The following SS18 variants were observed in gnomAD, a reference collection of about 807,000 sequenced individuals.
SS18 encodes the protein SS18 subunit of BAF chromatin remodeling complex, also known as protein SSXT.
A neutral mutation model predicts 72.5 loss-of-function variants in SS18; 28 were observed. The ratio of observed to expected loss-of-function variants is 0.39; its 90% CI spans 0.29 to 0.53. The LOEUF (loss-of-function observed/expected upper bound fraction) is 0.53, where lower values mean the gene tolerates loss of function less well. Ranked by LOEUF, SS18 falls within the 20% of genes least tolerant of loss-of-function variation. The pLI is 0.76. For missense variants in SS18, 518 were observed against 535.3 expected, an observed-to-expected ratio of 0.97 and a Z score of 0.32; for synonymous variants, 172 against 164.2, an observed-to-expected ratio of 1.05 and a Z score of -0.37.
chr18:26,055,750 T>TG (rs2054006918), intron 4 of SS18, among the ~76,000 whole-genome samples: 1 of 148,174 alleles, frequency 6.7e-6, no homozygotes, highest in African/African-American at 2.6e-5. Context: ...AAATTCTTTC[T>TG]GTTTTTTTTT....
chr18:26,062,263 A>G (rs545668394), intron 3 of SS18, among the ~76,000 whole-genome samples: 3 of 152,344 alleles, frequency 2.0e-5, no homozygotes, highest in Admixed American at 6.5e-5. Context: ...TGTCTAAAAA[A>G]AGAAAAAGAC....
chr18:26,077,593 GC>G (rs1418218963), intron 3 of SS18, among the ~76,000 whole-genome samples: 2 of 152,078 alleles, frequency 1.3e-5, no homozygotes. Flanking sequence ...TCGCTGCTCG[GC>G]CTTTTGGCTA....
intron 1 of SS18, 65 bp downstream of exon 1, chr18:26,090,436 C>T (rs2054702495): frequency 2.7e-6 from 4 of 1,496,604 alleles, no homozygotes; most frequent in Admixed American, 2.0e-5. Flanking sequence ...CCCGGCCCTT[C>T]CCCCCGCGTC....
rs1307755393 is a variant in SS18 at position 26,038,716 on chromosome 18, C to T, written c.776-57G>A. 5.0e-6 allele frequency: 7 copies of T among 1,395,782 alleles called. No individual in the cohort carries two copies. In the East Asian group the frequency reaches 1.6e-4, roughly 32 times the overall value. The allele number at this position is 1,395,782 out of a possible 1,614,324, so 86.5% of individuals were successfully genotyped here. ...AATGTGTTCTCTATGTCATCAAAGG[C>T]TTTCTTTCTAATTTGATATTATGAA... is the stretch of plus-strand genomic sequence containing the variant. On this transcript the variant is annotated intron_variant, in intron 6 of 10. Coordinates refer to ENST00000415083, the MANE Select transcript of SS18 (RefSeq NM_001007559.3).
rs746981880 is a variant in SS18, at chr18:26,018,341, T to C, written c.*13A>G. The C allele has an allele frequency of 1.9e-6, 3 of 1,599,192 alleles. No homozygotes were observed. The East Asian group carries it at 6.7e-5, about 36-fold the overall frequency. On this transcript the variant is annotated 3_prime_UTR_variant, in exon 11 of 11. Transcript: ENST00000415083. ...TGCTAATAGATACTGGCTACTGGAA[T>C]GTAAGTACTTTTTCACTGCTGGTAA...
intron 2 of SS18, among the ~76,000 whole-genome samples, chr18:26,087,216 A>G (rs911272214): frequency 3.9e-5 from 6 of 152,212 alleles, no homozygotes; most frequent in African/African-American, 1.4e-4. Flanking sequence ...ACAACAGGCA[A>G]ATTCACACAG....
chr18:26,057,786 T>G, intron 3 of SS18, 44 bp from the exon 4 acceptor site: 1 of 1,542,244 alleles, frequency 6.5e-7, no homozygotes, highest in Non-Finnish European at 8.8e-7. Context: ...CAGACTAATA[T>G]ACGAAAGATG....
At chr18:26,061,230 T>G (rs986042537) in intron 3 of SS18, among the ~76,000 whole-genome samples, 4 of 152,006 alleles carry the variant, frequency 2.6e-5, no homozygotes, top group African/African-American at 9.7e-5. Context: ...GGAGAATTGC[T>G]AGAACTCAGG....
At chr18:26,087,078 T>C (rs1005609783) in intron 2 of SS18, among the ~76,000 whole-genome samples, 1 of 152,166 alleles carries the variant, frequency 6.6e-6, no homozygotes, top group Non-Finnish European at 1.5e-5. Flanking sequence ...AAAAAATACT[T>C]GCCTATAAAA....
At chr18:26,052,359 T>C (rs924404935) in intron 5 of SS18, among the ~76,000 whole-genome samples, 3 of 152,218 alleles carry the variant, frequency 2.0e-5, no homozygotes, top group Non-Finnish European at 2.9e-5. Context: ...TGGTTCTTCA[T>C]TGACTGGCTT....
chr18:26,067,092 T>C (rs921079649), intron 3 of SS18, among the ~76,000 whole-genome samples: 5 of 152,232 alleles, frequency 3.3e-5, no homozygotes, highest in African/African-American at 1.2e-4. Flanking sequence ...CAACACAGCC[T>C]TCCTCACCTC....
chr18:26,035,573 G>GA lies in SS18; in HGVS notation c.973+257dup. ...AGTTTGATGGATTTATGTTCAAATA[G>GA]AAAATTTCCACTGAGGAAAAAATTA... On this transcript the variant is annotated intron_variant, in intron 8 of 10. Transcript: ENST00000415083. The surrounding 1 kb of genome is among the most constrained non-coding windows in gnomAD (Gnocchi z 4.4). 1 of 341,246 alleles carries GA rather than the reference G, an allele frequency of 2.9e-6. No individual in the cohort carries two copies. Among genetic ancestry groups the GA allele is most frequent in the Non-Finnish European group, 5.3e-6 (1 of 189,236 alleles). 21.1% of individuals were successfully genotyped at this position (341,246 alleles called of 1,614,324 possible). A position where few individuals can be genotyped will look rare whatever the true frequency, so the allele number is the denominator to read the frequency against.
rs536166525 is a variant in SS18 at position 26,023,127 on chromosome 18, C to T, written c.1231-4747G>A. Among the ~76,000 whole-genome samples, 163 of 152,234 alleles carry T rather than the reference C, an allele frequency of 1.1e-3. 3 individuals carry two copies. The South Asian group carries it at 0.023, about 22-fold the overall frequency. On this transcript the variant is annotated intron_variant, in intron 10 of 10. Transcript: ENST00000415083. The stretch of plus-strand genomic sequence containing the variant: ...TATCTTCATCACCCAACATAAAATT[C>T]ACAATGTCTGGAATCCAATCAAAGA...
intron 2 of SS18, among the ~76,000 whole-genome samples, chr18:26,080,964 CTCAT>C (rs2054508013): frequency 6.6e-6 from 1 of 152,060 alleles, no homozygotes; most frequent in Admixed American, 6.5e-5. Context: ...ATCCACAGAA[CTCAT>C]TCAAATTTCT....
chr18:26,058,894 C>CA lies in SS18; in HGVS notation c.232-1153dup, dbSNP rs1207584425. ...CTTGTTCAGTTTTCACCAAAACAAA[C>CA]AAAAAAACAAACAAAAAACACTAAT... is the stretch of plus-strand genomic sequence containing the variant. On this transcript the variant is annotated intron_variant, in intron 3 of 10. Transcript: ENST00000415083. Among the ~76,000 whole-genome samples, 9 of 152,132 alleles carry CA rather than the reference C, an allele frequency of 5.9e-5. No homozygotes were observed. In the South Asian group the frequency reaches 6.2e-4, roughly 11 times the overall value.
chr18:26,052,901 A>T, intron 4 of SS18, 56 bp from the exon 5 acceptor site: 2 of 1,458,538 alleles, frequency 1.4e-6, no homozygotes, highest in South Asian at 2.4e-5. Context: ...TGGTCCATAC[A>T]AAAGTACCTG....
Position 26,039,187 on chromosome 18 carries a change from A to AG in SS18, c.775+101_775+102insC, listed in dbSNP as rs1211724075. ...TTTTGTCAAAAAAAAAAAAAAAAAA[A>AG]AAAAAAAAGAAAACGCCCTGACTTT... On this transcript the variant is annotated intron_variant, in intron 6 of 10. Transcript: ENST00000415083. The AG allele has an allele frequency of 3.9e-5, 35 of 906,188 alleles. 1 individual carries two copies. The Admixed American group carries it at 1.1e-3, about 27-fold the overall frequency. The allele number at this position is 906,188 out of a possible 1,614,324, so 56.1% of individuals were successfully genotyped here.
At chr18:26,085,111 A>G (rs927406305) in intron 2 of SS18, among the ~76,000 whole-genome samples, 3 of 152,234 alleles carry the variant, frequency 2.0e-5, no homozygotes, top group African/African-American at 7.2e-5. Flanking sequence ...GAAAAATTCA[A>G]TGCAGCACAT....
intron 3 of SS18, among the ~76,000 whole-genome samples, chr18:26,059,976 G>A (rs2054090698): frequency 6.6e-6 from 1 of 152,228 alleles, no homozygotes; most frequent in African/African-American, 2.4e-5. Flanking sequence ...TACAGCCACT[G>A]TGGAAAACAG....
Sources: allele counts gnomAD v4.1 joint callset (sites outside exome capture counted in the v4.1 genomes callset), GRCh38; gene constraint gnomAD v4.1.1; non-coding constraint Gnocchi (gnomAD v3.1); transcripts MANE v1.5; gene names NCBI Gene and HGNC (gene_info 2026-07-23, HGNC 2026-07-21).